The following MROH2A variants were observed in gnomAD, a reference collection of about 807,000 sequenced individuals.
MROH2A encodes maestro heat like repeat family member 2A.
In MROH2A, 174 loss-of-function variants were observed where a neutral mutation model predicts 200.4. The ratio of observed to expected loss-of-function variants is 0.87; its 90% CI spans 0.77 to 0.98. The LOEUF (loss-of-function observed/expected upper bound fraction) is 0.98. Ranked by LOEUF, MROH2A falls within the 50% of genes least tolerant of loss-of-function variation. The probability of loss-of-function intolerance (pLI) is 0.00; values close to 1 mark genes in which losing one functional copy is unlikely to be tolerated. For synonymous variants in MROH2A, 829 were observed against 840.4 expected, an observed-to-expected ratio of 0.99 and a Z score of 0.23; for missense variants, 2,045 against 2,139.6, an observed-to-expected ratio of 0.96 and a Z score of 0.87.
chr2:233,783,865 C>A (rs1701067655), intron 3 of MROH2A, among the ~76,000 whole-genome samples: 1 of 151,972 alleles, frequency 6.6e-6, no homozygotes, highest in Admixed American at 6.6e-5. Flanking sequence ...CCAGCCAGTT[C>A]TTTGTATTTC....
chr2:233,819,730 G>A (rs756260690), intron 30 of MROH2A, among the ~76,000 whole-genome samples, 172 bp from the exon 31 acceptor site: 13 of 152,360 alleles, frequency 8.5e-5, no homozygotes, highest in Admixed American at 1.3e-4. Context: ...GAAAGCCTGG[G>A]AAAATGAGTT....
At chr2:233,797,209 C>A (rs1702170104) in intron 11 of MROH2A, among the ~76,000 whole-genome samples, 1 of 152,176 alleles carries the variant, frequency 6.6e-6, no homozygotes. Context: ...CAAGAAACCA[C>A]CTGTGATACT....
intron 26 of MROH2A, among the ~76,000 whole-genome samples, chr2:233,814,909 C>T (rs140350791): frequency 3.7e-4 from 57 of 152,298 alleles, no homozygotes; most frequent in African/African-American, 1.3e-3. Flanking sequence ...TTTCTTCTGC[C>T]TCTGTCCTTC....
intron 5 of MROH2A, among the ~76,000 whole-genome samples, chr2:233,792,535 G>C (rs757380245): frequency 1.1e-4 from 17 of 152,126 alleles, no homozygotes; most frequent in Non-Finnish European, 2.1e-4. Flanking sequence ...GGATGACCTC[G>C]ATCTCCTGAC....
At position 233,820,328 on chromosome 2, in the gene MROH2A, C is replaced by G. The variant is rs1703854275; in HGVS notation, c.3512+272C>G. On this transcript the variant is annotated intron_variant, in intron 31 of 41. Transcript: ENST00000389758. This position sits in a 1 kb window ranked among gnomAD's most constrained non-coding sequence, Gnocchi z 4.1. ...CGGGACAGTGTCTGTGGAGTTCATTCTCTCCCAGAGTAGCCCTTTCCTTCC... is the reference window on the plus strand; with the variant it reads ...CGGGACAGTGTCTGTGGAGTTCATTGTCTCCCAGAGTAGCCCTTTCCTTCC... 6.6e-6 allele frequency among the ~76,000 whole-genome samples: 1 copy of G among 152,018 alleles called. No homozygotes were observed. The highest frequency in any genetic ancestry group is 2.1e-4 in the South Asian group (1 of 4,826).
At chr2:233,816,952 T>C in intron 27 of MROH2A, 67 bp downstream of exon 27, 1 of 971,182 alleles carries the variant, frequency 1.0e-6, no homozygotes, top group Non-Finnish European at 1.6e-6. Context: ...CCTGTGTCTA[T>C]CTGGAAGATG....
At chr2:233,797,720 G>C (rs1013177625) in intron 11 of MROH2A, among the ~76,000 whole-genome samples, 1 of 151,998 alleles carries the variant, frequency 6.6e-6, no homozygotes, top group African/African-American at 2.4e-5. Flanking sequence ...TTGCCCTAAT[G>C]CTCTCCCTCC....
In MROH2A at chr2:233,795,672, A is replaced by C; in HGVS notation, c.986A>C (p.Glu329Ala). The C allele has an allele frequency of 6.4e-7, 1 of 1,550,844 alleles. No individual in the cohort carries two copies. The highest frequency in any genetic ancestry group is 2.4e-5 in the East Asian group (1 of 40,906). ...CTGCAGGTCTTGAGGCAGATCCTGG[A>C]ACTGTCAGTCACCACCAACACCCCT... ...FVTQVLRQIL[E>A]LSVTTNTPVP... The change falls in exon 9 of 42, where the codon GAA becomes GCA. Residue 329 changes from glutamate (E) to alanine (A), a missense_variant. Around this residue, in one of 3 missense-constraint regions of MROH2A, gnomAD observed 831 missense variants for 800.0 expected, o/e 1.04. Coordinates refer to ENST00000389758, the MANE Select transcript of MROH2A (RefSeq NM_001394639.1).
At chr2:233,804,673 C>T in intron 18 of MROH2A, 126 bp downstream of exon 18, 1 of 846,330 alleles carries the variant, frequency 1.2e-6, no homozygotes, top group Non-Finnish European at 1.9e-6. Context: ...CTCCTTCTGT[C>T]AGAGAAGACT....
chr2:233,798,593 G>T (rs7606743), intron 11 of MROH2A, among the ~76,000 whole-genome samples, 181 bp from the exon 12 acceptor site: 1 of 152,192 alleles, frequency 6.6e-6, no homozygotes, highest in African/African-American at 2.4e-5. Flanking sequence ...GGAACGAGGC[G>T]TGGAAACAAC....
intron 3 of MROH2A, among the ~76,000 whole-genome samples, chr2:233,781,168 G>T (rs1431345254): frequency 1.3e-5 from 2 of 152,148 alleles, no homozygotes; most frequent in African/African-American, 4.8e-5. Flanking sequence ...CCATATCTTG[G>T]CTATTGTGAA....
Position 233,798,831 on chromosome 2 carries a change from T to A in MROH2A, c.1310T>A (p.Ile437Asn), listed in dbSNP as rs186122485. 7.3e-4 allele frequency: 1,133 copies of A among 1,550,028 alleles called. 11 individuals are homozygous for A. In the South Asian group the frequency reaches 9.2e-3, roughly 13 times the overall value. Residue 437 changes from isoleucine (I) to asparagine (N), a missense_variant, in exon 12 of 42, where the codon ATC (isoleucine) becomes AAC (asparagine). Transcript: ENST00000389758. The stretch of plus-strand genomic sequence containing the variant: ...GCTATCCGGGTAGTCAAGAACACCA[T>A]CTCTGATACCCGGTCCAAGGTAACA... ...YLAIRVVKNT[I>N]SDTRSKVRMA...
At chr2:233,790,758 A>G (rs1193161795) in intron 5 of MROH2A, among the ~76,000 whole-genome samples, 1 of 150,532 alleles carries the variant, frequency 6.6e-6, no homozygotes, top group Non-Finnish European at 1.5e-5. Context: ...CTCCTACTCC[A>G]TGCAGGCCTT....
intron 14 of MROH2A, among the ~76,000 whole-genome samples, chr2:233,801,065 A>G (rs923757308): frequency 1.3e-5 from 2 of 152,208 alleles, no homozygotes; most frequent in African/African-American, 4.8e-5. Context: ...TATCCCAGCA[A>G]CTACCTGCAT....
chr2:233,779,612 A>C, intron 2 of MROH2A, 59 bp from the exon 3 acceptor site: 1 of 1,527,298 alleles, frequency 6.5e-7, no homozygotes, highest in Non-Finnish European at 8.8e-7. Context: ...CAGGGACACA[A>C]GGGCACCTCC....
chr2:233,790,956 C>T (rs868389164), intron 5 of MROH2A, among the ~76,000 whole-genome samples: 11 of 152,254 alleles, frequency 7.2e-5, no homozygotes, highest in African/African-American at 1.7e-4. Flanking sequence ...GTTGAGGTAG[C>T]GATATTTCAG....
intron 11 of MROH2A, among the ~76,000 whole-genome samples, chr2:233,797,915 A>G (rs942579168): frequency 1.3e-5 from 2 of 152,184 alleles, no homozygotes; most frequent in African/African-American, 4.8e-5. Flanking sequence ...TGGCACTTAT[A>G]CACCTTGGAA....
rs1429269175 is a variant in MROH2A at position 233,789,962 on chromosome 2, C to A, written c.519C>A (p.Asn173Lys). The A allele has an allele frequency of 3.9e-5, 60 of 1,550,390 alleles. No individual in the cohort carries two copies. In the East Asian group the frequency reaches 1.4e-3, roughly 37 times the overall value. The change falls in exon 5 of 42, where the codon AAC becomes AAA. Residue 173 changes from asparagine (N) to lysine (K), a missense_variant. This residue lies in a region of MROH2A where 831 missense variants were observed against 800.0 expected (regional missense o/e 1.04). Transcript: ENST00000389758. ...YELQHHLKPL[N>K]LTDEFVIITL... ...TGCAGCACCACCTCAAGCCCCTCAACCTCACTGATGAATTTGTCATCATCA... is the reference window on the plus strand; with the variant it reads ...TGCAGCACCACCTCAAGCCCCTCAAACTCACTGATGAATTTGTCATCATCA...
chr2:233,811,554 C>A (rs1165892200), intron 23 of MROH2A, among the ~76,000 whole-genome samples: 1 of 152,218 alleles, frequency 6.6e-6, no homozygotes, highest in South Asian at 2.1e-4. Flanking sequence ...TACTTTCACG[C>A]TAGCCTGGAG....
Sources: allele counts gnomAD v4.1 joint callset (sites outside exome capture counted in the v4.1 genomes callset), GRCh38; gene constraint gnomAD v4.1.1; regional missense constraint gnomAD v4.1.1; non-coding constraint Gnocchi (gnomAD v3.1); transcripts MANE v1.5; gene names NCBI Gene and HGNC (gene_info 2026-07-23, HGNC 2026-07-21).